Variants in ADD2 observed in about 807,000 individuals in gnomAD.
The protein encoded by ADD2 is adducin 2.
ADD2 carries 23 observed loss-of-function variants against 83.0 expected under a neutral mutation model. That is an observed-to-expected ratio of 0.28 (90% CI 0.20 to 0.39). The LOEUF is 0.39. Ranked by LOEUF, ADD2 falls within the 10% of genes least tolerant of loss-of-function variation. The pLI is 1.00. For synonymous variants in ADD2, 375 were observed against 375.4 expected (o/e 1.00, Z 0.01); for missense variants, 758 against 944.9 (o/e 0.80, Z 2.59).
intron 15 of ADD2, among the ~76,000 whole-genome samples, chr2:70,667,574 G>A (rs1271496723): frequency 6.6e-6 from 1 of 152,112 alleles, no homozygotes. Flanking sequence ...CCAGATAGTT[G>A]ATAAAACAAT....
At chr2:70,745,414 C>T (rs1445275501) in intron 1 of ADD2, among the ~76,000 whole-genome samples, 1 of 152,104 alleles carries the variant, frequency 6.6e-6, no homozygotes, top group Non-Finnish European at 1.5e-5. Flanking sequence ...CCACAAAGTA[C>T]AGAATCAGAG....
chr2:70,716,485 A>C, intron 1 of ADD2, among the ~76,000 whole-genome samples: 1 of 152,012 alleles, frequency 6.6e-6, no homozygotes, highest in South Asian at 2.1e-4. Context: ...CTGGGCTTTC[A>C]CATCACTTTT....
At chr2:70,674,905 T>C (rs1224020504) in intron 13 of ADD2, 80 bp from the exon 14 acceptor site, 5 of 1,540,178 alleles carry the variant, frequency 3.2e-6, no homozygotes, top group African/African-American at 1.4e-5. Context: ...TTTAGATTCA[T>C]GTGGCTGCAA....
Position 70,660,331 on chromosome 2 carries a change from A to T in ADD2, c.*3094T>A, listed in dbSNP as rs887748238. The stretch of plus-strand genomic sequence containing the variant: ...TAAGGTGCTTTATCCAAAGACTTTT[A>T]TGGAAATAAATTTTGTGTTGGAAAC... On this transcript the variant is annotated 3_prime_UTR_variant, in exon 16 of 16. Coordinates refer to ENST00000264436, the MANE Select transcript of ADD2 (RefSeq NM_001617.4). 1 of 152,204 alleles carries T rather than the reference A, an allele frequency of 6.6e-6. No individual in the cohort carries two copies. The highest frequency in any genetic ancestry group is 6.5e-5 in the Admixed American group (1 of 15,288). 9.4% of individuals were successfully genotyped at this position (152,204 alleles called of 1,614,324 possible). A position where few individuals can be genotyped will look rare whatever the true frequency, so the allele number is the denominator to read the frequency against.
At chr2:70,718,949 G>C in intron 1 of ADD2, among the ~76,000 whole-genome samples, 1 of 152,304 alleles carries the variant, frequency 6.6e-6, no homozygotes, top group South Asian at 2.1e-4. Context: ...TTGAGGACTT[G>C]GCCAGCACCA....
In ADD2 at chr2:70,668,579, G is replaced by GACAA. The variant is rs533456578; in HGVS notation, c.1870+4295_1870+4298dup. ...TCTAACAATCATCATGCAGCTCAGT[G>GACAA]ACAACATGTTCAAGCCATGTTTACT... On this transcript the variant is annotated intron_variant, in intron 15 of 15. Coordinates refer to ENST00000264436, the MANE Select transcript of ADD2 (RefSeq NM_001617.4). Among the ~76,000 whole-genome samples the GACAA allele has an allele frequency of 3.9e-5, 6 of 152,294 alleles. No homozygotes were observed. The East Asian group carries it at 1.2e-3, about 29-fold the overall frequency.
chr2:70,716,193 G>A (rs1553376338), intron 1 of ADD2, among the ~76,000 whole-genome samples: 1 of 151,954 alleles, frequency 6.6e-6, no homozygotes, highest in East Asian at 1.9e-4. Flanking sequence ...CAAGCCCATC[G>A]ATGCCCAGCT....
At chr2:70,765,359 A>G (rs1357267310) in intron 1 of ADD2, among the ~76,000 whole-genome samples, 1 of 152,246 alleles carries the variant, frequency 6.6e-6, no homozygotes. Flanking sequence ...TCTCAAAAAA[A>G]TATAAAACAT....
intron 1 of ADD2, among the ~76,000 whole-genome samples, chr2:70,742,847 C>A (rs1267638337): frequency 6.6e-6 from 1 of 152,072 alleles, no homozygotes; most frequent in Non-Finnish European, 1.5e-5. Context: ...CCTGGCTATA[C>A]TTACATACAT....
intron 1 of ADD2, chr2:70,767,198 A>AAGGGAGGGGAGGC (rs1675432416): frequency 6.5e-6 from 1 of 152,808 alleles, no homozygotes; most frequent in Non-Finnish European, 1.5e-5. Flanking sequence ...CGGCTGCAGA[A>AAGGGAGGGGAGGC]AGGGAGGGGA....
At chr2:70,756,873 G>C (rs1408774330) in intron 1 of ADD2, among the ~76,000 whole-genome samples, 2 of 152,204 alleles carry the variant, frequency 1.3e-5, no homozygotes, top group African/African-American at 4.8e-5. Context: ...TTGTTGCCCA[G>C]GCTGGAGTGC....
Position 70,663,736 on chromosome 2 carries a change from C to T in ADD2, c.1871-1G>A. ...CTTGTTTCTGTCTTCTTAGTACCTT[C>T]TAGAAAAAGATCAAAAGATATGACC... is the stretch of plus-strand genomic sequence containing the variant. On this transcript the variant is annotated splice_acceptor_variant, in intron 15 of 15. Coordinates refer to ENST00000264436, the MANE Select transcript of ADD2 (RefSeq NM_001617.4). LOFTEE classifies it high-confidence loss of function. The T allele has an allele frequency of 1.2e-6, 2 of 1,610,980 alleles. No homozygotes were observed.
intron 15 of ADD2, among the ~76,000 whole-genome samples, chr2:70,669,225 C>T (rs2270043): frequency 0.27 from 41,039 of 152,004 alleles, 5,522 homozygotes; most frequent in East Asian, 0.35. Flanking sequence ...GAGTTTCTGT[C>T]TGGGTTTAAA....
intron 1 of ADD2, among the ~76,000 whole-genome samples, chr2:70,718,296 G>C (rs13394941): frequency 0.014 from 2,083 of 152,262 alleles, 41 homozygotes; most frequent in African/African-American, 0.042. Flanking sequence ...GTTGGTGCCC[G>C]GGAGTGAGCA....
At chr2:70,727,366 C>T (rs1673058472) in intron 1 of ADD2, among the ~76,000 whole-genome samples, 1 of 152,160 alleles carries the variant, frequency 6.6e-6, no homozygotes, top group Non-Finnish European at 1.5e-5. Flanking sequence ...CTCATCCATC[C>T]TTCCATTCCC....
chr2:70,712,485 T>C (rs1574276553), intron 2 of ADD2, among the ~76,000 whole-genome samples: 1 of 147,868 alleles, frequency 6.8e-6, no homozygotes, highest in African/African-American at 2.5e-5. Context: ...AGAAACTGAA[T>C]CACAAAGAGA....
At chr2:70,761,227 C>CTTT (rs61106669) in intron 1 of ADD2, among the ~76,000 whole-genome samples, 1,608 of 146,740 alleles carry the variant, frequency 0.011, 20 homozygotes, top group African/African-American at 0.034. Flanking sequence ...GCATGCATTA[C>CTTT]TTTTTTTTTT....
intron 13 of ADD2, chr2:70,675,970 G>T (rs992038711): frequency 1.0e-4 from 100 of 985,384 alleles, no homozygotes; most frequent in African/African-American, 5.2e-5. Context: ...CTGAGTTGGG[G>T]TTGGGGGGAG....
intron 9 of ADD2, among the ~76,000 whole-genome samples, chr2:70,686,308 G>A (rs933951166): frequency 6.6e-6 from 1 of 152,136 alleles, no homozygotes; most frequent in African/African-American, 2.4e-5. Context: ...AAGGTCACTG[G>A]AGCTTGCCCG....
Sources: gnomAD v4.1 joint callset for allele counts (sites outside exome capture counted in the v4.1 genomes callset) on GRCh38, gnomAD v4.1.1 for gene constraint, MANE v1.5 for transcripts, NCBI Gene and HGNC (gene_info 2026-07-23, HGNC 2026-07-21) for gene names.